SWT1: variants seen among roughly 807,000 people sequenced by gnomAD.
SWT1 encodes transcriptional protein SWT1.
Under a neutral mutation model 107.3 loss-of-function variants are expected in SWT1, and 33 were observed. The observed-to-expected ratio is 0.31, with a 90% CI of 0.23 to 0.41. SWT1 has a LOEUF of 0.41. Among genes scored for constraint, SWT1 ranks in the 10% least tolerant of loss-of-function variants. The probability of loss-of-function intolerance (pLI) is 1.00; values close to 1 mark genes in which losing one functional copy is unlikely to be tolerated. For synonymous variants in SWT1, 345 were observed against 348.3 expected (o/e 0.99, Z 0.11); for missense variants, 898 against 1,028.9 (o/e 0.87, Z 1.74).
At position 185,203,728 on chromosome 1, in the gene SWT1, ATTAT is replaced by A. The variant is rs1658079134; in HGVS notation, c.1669+934_1669+937del. Among the ~76,000 whole-genome samples, 6 of 152,154 alleles carry A rather than the reference ATTAT, an allele frequency of 3.9e-5. No individual in the cohort carries two copies. In the South Asian group the frequency reaches 1.2e-3, roughly 32 times the overall value. Reference sequence around the variant, plus strand: ...GAAGAAATATTTTATTAAACCTGACATTATTTATAAGTACATCCCACCTTTCCCC... The same window carrying A: ...GAAGAAATATTTTATTAAACCTGACATTATAAGTACATCCCACCTTTCCCC... On this transcript the variant is annotated intron_variant, in intron 11 of 18. Transcript: ENST00000367500.
At chr1:185,204,095 G>A (rs1447834702) in intron 11 of SWT1, among the ~76,000 whole-genome samples, 1 of 152,094 alleles carries the variant, frequency 6.6e-6, no homozygotes, top group Non-Finnish European at 1.5e-5. Context: ...AAGGAGGAGG[G>A]CATGAAGATA....
At chr1:185,245,820 G>T (rs145463465) in intron 16 of SWT1, among the ~76,000 whole-genome samples, 1,567 of 152,072 alleles carry the variant, frequency 0.01, 13 homozygotes, top group South Asian at 0.017. Flanking sequence ...CCAGGCTGGA[G>T]CACAGTGGTG....
intron 16 of SWT1, among the ~76,000 whole-genome samples, chr1:185,237,192 C>T (rs772208704): frequency 2.6e-5 from 4 of 152,106 alleles, no homozygotes; most frequent in Admixed American, 6.6e-5. Flanking sequence ...CCAGCAATCC[C>T]GTTCCTGGGT....
intron 5 of SWT1, 101 bp from the exon 6 acceptor site, chr1:185,180,290 T>G (rs1655912032): frequency 2.2e-6 from 2 of 923,218 alleles, no homozygotes; most frequent in African/African-American, 3.3e-5. Flanking sequence ...GGGCAACCCC[T>G]AAAGTGAATT....
intron 16 of SWT1, among the ~76,000 whole-genome samples, chr1:185,260,581 G>A (rs1662950313): frequency 6.6e-6 from 1 of 152,116 alleles, no homozygotes; most frequent in Non-Finnish European, 1.5e-5. Flanking sequence ...GAATTTGGCG[G>A]TGGCAGTTTC....
chr1:185,246,400 C>T (rs1661609270), intron 16 of SWT1, among the ~76,000 whole-genome samples: 1 of 151,988 alleles, frequency 6.6e-6, no homozygotes. Context: ...CCTCAGCCTC[C>T]CGAGTAGCTG....
At chr1:185,225,125 G>C (rs1413445311) in intron 15 of SWT1, among the ~76,000 whole-genome samples, 1 of 152,090 alleles carries the variant, frequency 6.6e-6, no homozygotes, top group African/African-American at 2.4e-5. Context: ...TTTTAATCAT[G>C]AAGGGATGTT....
chr1:185,276,888 C>T (rs1410569670), intron 18 of SWT1, among the ~76,000 whole-genome samples: 2 of 151,870 alleles, frequency 1.3e-5, no homozygotes, highest in East Asian at 1.9e-4. Context: ...ATTTTTTGGC[C>T]TCAAGACTTT....
intron 14 of SWT1, among the ~76,000 whole-genome samples, chr1:185,221,115 T>C (rs1659625752): frequency 6.6e-6 from 1 of 152,176 alleles, no homozygotes; most frequent in Admixed American, 6.5e-5. Flanking sequence ...CCTAAGTTCC[T>C]ATTTATTTGT....
At chr1:185,268,160 C>T (rs1003824553) in intron 16 of SWT1, among the ~76,000 whole-genome samples, 1 of 152,080 alleles carries the variant, frequency 6.6e-6, no homozygotes, top group Non-Finnish European at 1.5e-5. Flanking sequence ...TATCATATAT[C>T]CTATAACATA....
At chr1:185,280,379 G>C (rs1225505307) in intron 18 of SWT1, among the ~76,000 whole-genome samples, 1 of 152,172 alleles carries the variant, frequency 6.6e-6, no homozygotes, top group Non-Finnish European at 1.5e-5. Flanking sequence ...ACGGACTAAT[G>C]ACAGTCGCTG....
At chr1:185,215,548 C>G (rs897179296) in intron 14 of SWT1, among the ~76,000 whole-genome samples, 7 of 152,038 alleles carry the variant, frequency 4.6e-5, no homozygotes, top group African/African-American at 1.7e-4. Flanking sequence ...TTTTTGTACC[C>G]AGTAATACAG....
intron 17 of SWT1, among the ~76,000 whole-genome samples, chr1:185,274,721 C>T (rs181682621): frequency 6.6e-6 from 1 of 152,126 alleles, no homozygotes; most frequent in East Asian, 1.9e-4. Flanking sequence ...ATAGTCACAA[C>T]TCTAATGTTT....
chr1:185,290,213 G>A (rs1571725782), intron 18 of SWT1, among the ~76,000 whole-genome samples: 1 of 152,088 alleles, frequency 6.6e-6, no homozygotes, highest in East Asian at 1.9e-4. Context: ...GGAGGTTGAG[G>A]CTATGGTGAG....
intron 14 of SWT1, among the ~76,000 whole-genome samples, chr1:185,217,258 A>G (rs1414737927): frequency 1.3e-5 from 2 of 152,194 alleles, no homozygotes; most frequent in East Asian, 3.9e-4. Context: ...GGGGTCCACA[A>G]CCCCTGGGCC....
chr1:185,262,979 G>A (rs1221262788), intron 16 of SWT1, among the ~76,000 whole-genome samples: 2 of 151,820 alleles, frequency 1.3e-5, no homozygotes, highest in African/African-American at 4.8e-5. Flanking sequence ...TAGAGACGGG[G>A]TTTCACCATG....
chr1:185,219,121 C>CA (rs1659440186), intron 14 of SWT1, among the ~76,000 whole-genome samples: 2 of 152,076 alleles, frequency 1.3e-5, no homozygotes, highest in South Asian at 4.1e-4. Context: ...TTAAGGTAAA[C>CA]AGACAAAAAT....
intron 4 of SWT1, among the ~76,000 whole-genome samples, chr1:185,173,346 TCA>T (rs1166072931): frequency 6.6e-6 from 1 of 152,010 alleles, no homozygotes; most frequent in African/African-American, 2.4e-5. Context: ...TCACATATTA[TCA>T]GTGTTATCCT....
chr1:185,257,278 GC>G (rs1198544529), intron 16 of SWT1, among the ~76,000 whole-genome samples: 50 of 152,200 alleles, frequency 3.3e-4, no homozygotes, highest in African/African-American at 1.2e-3. Flanking sequence ...ACAGAGGCAG[GC>G]AGGCCTCCTT....
Sources: allele counts gnomAD v4.1 joint callset (sites outside exome capture counted in the v4.1 genomes callset), GRCh38; gene constraint gnomAD v4.1.1; transcripts MANE v1.5; gene names NCBI Gene and HGNC (gene_info 2026-07-23, HGNC 2026-07-21).